FGD4: variants seen among roughly 807,000 people sequenced by gnomAD.
The protein encoded by FGD4 is FYVE, RhoGEF and PH domain containing 4.
In FGD4, 42 loss-of-function variants were observed where a neutral mutation model predicts 102.0. The observed-to-expected ratio is 0.41, with a 90% CI of 0.32 to 0.53. FGD4 has a LOEUF of 0.53. Among genes scored for constraint, FGD4 ranks in the 20% least tolerant of loss-of-function variants. The pLI, the probability that FGD4 is intolerant of heterozygous loss-of-function variation, is 0.21. For synonymous variants in FGD4, 380 were observed against 375.7 expected (o/e 1.01, Z -0.13); for missense variants, 902 against 1,078.2 (o/e 0.84, Z 2.29).
At chr12:32,540,529 C>G (rs1484256132) in intron 1 of FGD4, among the ~76,000 whole-genome samples, 1 of 150,806 alleles carries the variant, frequency 6.6e-6, no homozygotes, top group Admixed American at 6.6e-5. Context: ...TTAGGCCCTT[C>G]AGGAGATTGA....
chr12:32,556,409 C>G (rs535626456), intron 1 of FGD4, among the ~76,000 whole-genome samples: 1 of 152,260 alleles, frequency 6.6e-6, no homozygotes, highest in South Asian at 2.1e-4. Flanking sequence ...ACAATAACTC[C>G]CTTTTCTTCT....
chr12:32,462,772 C>T (rs754668820), intron 1 of FGD4, among the ~76,000 whole-genome samples: 2 of 152,126 alleles, frequency 1.3e-5, no homozygotes, highest in Non-Finnish European at 1.5e-5. Context: ...GATGATTAGA[C>T]CTTGATGCTT....
intron 1 of FGD4, among the ~76,000 whole-genome samples, chr12:32,401,333 C>T (rs947565622): frequency 3.3e-5 from 5 of 152,190 alleles, no homozygotes; most frequent in African/African-American, 1.2e-4. Context: ...GAACTCAGAT[C>T]ACTGCAACCT....
intron 14 of FGD4, among the ~76,000 whole-genome samples, chr12:32,628,150 A>G (rs1218454000): frequency 1.3e-5 from 2 of 152,144 alleles, no homozygotes; most frequent in Non-Finnish European, 2.9e-5. Flanking sequence ...GTCCACAGAC[A>G]TTGTGGTAGA....
chr12:32,531,716 T>C (rs1036433355), intron 1 of FGD4, among the ~76,000 whole-genome samples: 2 of 152,234 alleles, frequency 1.3e-5, no homozygotes, highest in Admixed American at 6.5e-5. Flanking sequence ...TGATTATGAA[T>C]AAAGGCTCTG....
chr12:32,580,546 C>A lies in FGD4; in HGVS notation c.504-1414C>A, dbSNP rs184214812. ...GGAATCTTTCAAAGAGTATAGCCCA[C>A]AGTTTTGTGCTCCATTCCCCACCCC... On this transcript the variant is annotated intron_variant, in intron 3 of 16. Transcript: ENST00000534526. 1.2e-4 allele frequency among the ~76,000 whole-genome samples: 18 copies of A among 152,156 alleles called. 1 individual carries two copies. The South Asian group carries it at 1.5e-3, about 12-fold the overall frequency.
chr12:32,460,292 G>T (rs1378451391), intron 1 of FGD4, among the ~76,000 whole-genome samples: 1 of 152,090 alleles, frequency 6.6e-6, no homozygotes, highest in Non-Finnish European at 1.5e-5. Context: ...CGGGAGGTTT[G>T]CTTGAGCCCA....
chr12:32,449,724 A>G (rs372812379), intron 1 of FGD4, among the ~76,000 whole-genome samples: 12 of 152,074 alleles, frequency 7.9e-5, no homozygotes, highest in African/African-American at 2.6e-4. Flanking sequence ...CTTTAAGACT[A>G]TGTAACTGTT....
At chr12:32,486,122 A>G (rs1943892331) in intron 1 of FGD4, 3 of 1,530,412 alleles carry the variant, frequency 2.0e-6, no homozygotes, top group African/African-American at 2.7e-5. Flanking sequence ...GATGTTATGA[A>G]AAGAATCTTT....
chr12:32,617,396 A>T (rs1315106613), intron 10 of FGD4, among the ~76,000 whole-genome samples: 1 of 152,234 alleles, frequency 6.6e-6, no homozygotes, highest in Non-Finnish European at 1.5e-5. Flanking sequence ...CCAGTATCCT[A>T]TTACCTTTGA....
intron 1 of FGD4, among the ~76,000 whole-genome samples, chr12:32,458,365 C>CAGGATT (rs1365493482): frequency 2.6e-5 from 4 of 151,904 alleles, no homozygotes; most frequent in African/African-American, 4.8e-5. Context: ...TTTGTAGAGA[C>CAGGATT]AGGATTTTGC....
chr12:32,475,461 T>C (rs1187488184), intron 1 of FGD4, among the ~76,000 whole-genome samples: 5 of 152,222 alleles, frequency 3.3e-5, no homozygotes, highest in Non-Finnish European at 7.3e-5. Flanking sequence ...AAAGCTCTAC[T>C]GTCTGGTTTA....
In FGD4 at chr12:32,612,816, C is replaced by A. The variant is rs1047622265; in HGVS notation, c.1749+1533C>A. Among the ~76,000 whole-genome samples, 6 of 152,222 alleles carry A rather than the reference C, an allele frequency of 3.9e-5. No individual in the cohort carries two copies. In the South Asian group the frequency reaches 1.2e-3, roughly 32 times the overall value. On this transcript the variant is annotated intron_variant, in intron 10 of 16. Coordinates refer to ENST00000534526, the MANE Select transcript of FGD4 (RefSeq NM_001370298.3). ...ACATGAGTTCTCTACACAGTTCTTT[C>A]TCACTGCAGTCAGTCCTTGACCCTT...
At chr12:32,523,232 G>A (rs1592097224) in intron 1 of FGD4, among the ~76,000 whole-genome samples, 1 of 152,242 alleles carries the variant, frequency 6.6e-6, no homozygotes, top group Non-Finnish European at 1.5e-5. Context: ...AGGAGAGGCT[G>A]CTGAGGTTGG....
At chr12:32,507,426 C>T (rs1938889419) in intron 1 of FGD4, among the ~76,000 whole-genome samples, 1 of 152,094 alleles carries the variant, frequency 6.6e-6, no homozygotes, top group Admixed American at 6.6e-5. Flanking sequence ...GATAAGGAGC[C>T]AGCCACGTGT....
chr12:32,422,779 T>C (rs1009007948), intron 1 of FGD4, among the ~76,000 whole-genome samples: 6 of 152,202 alleles, frequency 3.9e-5, no homozygotes, highest in Non-Finnish European at 8.8e-5. Context: ...TTTTCATATA[T>C]CTTGCTACTT....
At chr12:32,486,041 T>C in intron 1 of FGD4, 1 of 1,487,578 alleles carries the variant, frequency 6.7e-7, no homozygotes. Flanking sequence ...ATGCCTATAG[T>C]TTCTACCAAC....
rs146545028 is a variant in FGD4, at chr12:32,546,148, C to G, written c.167-17989C>G. On this transcript the variant is annotated intron_variant, in intron 1 of 16. Coordinates refer to ENST00000534526, the MANE Select transcript of FGD4 (RefSeq NM_001370298.3). The stretch of plus-strand genomic sequence containing the variant: ...CAGTAGACTCTTTAGCAAAATTAAA[C>G]AAATGCTAATGGGTTCCCACAGCCA... 3.6e-3 allele frequency among the ~76,000 whole-genome samples: 543 copies of G among 152,290 alleles called. 6 individuals are homozygous for G. Among genetic ancestry groups the G allele is most frequent in the African/African-American group, 0.013 (527 of 41,558 alleles).
intron 1 of FGD4, among the ~76,000 whole-genome samples, chr12:32,477,857 G>A (rs1943620569): frequency 6.6e-6 from 1 of 152,178 alleles, no homozygotes; most frequent in South Asian, 2.1e-4. Context: ...AACTTTTGTG[G>A]TGCAGCTGTT....
Sources: gnomAD v4.1 joint callset for allele counts (sites outside exome capture counted in the v4.1 genomes callset) on GRCh38, gnomAD v4.1.1 for gene constraint, MANE v1.5 for transcripts, NCBI Gene and HGNC (gene_info 2026-07-23, HGNC 2026-07-21) for gene names.